The following GLIS3 variants were observed in gnomAD, a reference collection of about 807,000 sequenced individuals.
The protein encoded by GLIS3 is GLIS family zinc finger 3.
Under a neutral mutation model 78.6 loss-of-function variants are expected in GLIS3, and 53 were observed. The observed-to-expected ratio is 0.67, with a 90% CI of 0.54 to 0.85. The LOEUF (loss-of-function observed/expected upper bound fraction) is 0.85, where lower values mean the gene tolerates loss of function less well. Among genes scored for constraint, GLIS3 ranks in the 40% least tolerant of loss-of-function variants. The pLI, the probability that GLIS3 is intolerant of heterozygous loss-of-function variation, is 0.00. For synonymous variants in GLIS3, 684 were observed against 509.9 expected (o/e 1.34, Z -4.60); for missense variants, 1,703 against 1,231.1 (o/e 1.38, Z -5.74).
At chr9:3,960,578 A>G (rs562744935) in intron 4 of GLIS3, among the ~76,000 whole-genome samples, 1 of 152,330 alleles carries the variant, frequency 6.6e-6, no homozygotes, top group South Asian at 2.1e-4. Context: ...ATCCTGGCAC[A>G]TAGTGGGTCC....
intron 7 of GLIS3, among the ~76,000 whole-genome samples, chr9:3,892,293 C>T (rs1308177763): frequency 1.3e-5 from 2 of 152,062 alleles, no homozygotes; most frequent in African/African-American, 4.8e-5. Context: ...ACTAAGACTC[C>T]AATAAGACTC....
intron 4 of GLIS3, among the ~76,000 whole-genome samples, chr9:3,943,582 T>G (rs1048760364): frequency 2.0e-5 from 3 of 152,250 alleles, no homozygotes; most frequent in Non-Finnish European, 4.4e-5. Context: ...CTGGTTAATT[T>G]GAGAGTCCTC....
At chr9:4,391,586 G>A in the GLIS3 span, among the ~76,000 whole-genome samples, 5 of 149,184 alleles carry the variant, frequency 3.4e-5, no homozygotes, top group South Asian at 2.1e-4. Context: ...TGTTGGGCTC[G>A]GGTAGGTTGA....
At chr9:4,291,641 C>A (rs1356148360) in intron 1 of GLIS3, among the ~76,000 whole-genome samples, 2 of 151,936 alleles carry the variant, frequency 1.3e-5, no homozygotes, top group African/African-American at 4.8e-5. Flanking sequence ...AAAAGAATGA[C>A]CACATCCGAT....
chr9:4,259,473 A>G (rs936445398), intron 2 of GLIS3, among the ~76,000 whole-genome samples: 4 of 152,076 alleles, frequency 2.6e-5, no homozygotes, highest in Non-Finnish European at 5.9e-5. Flanking sequence ...GGGTGGGGGA[A>G]CTAAGATGGG....
intron 2 of GLIS3, among the ~76,000 whole-genome samples, chr9:4,259,341 C>T (rs1191777141): frequency 6.6e-6 from 1 of 151,878 alleles, no homozygotes; most frequent in Admixed American, 6.6e-5. Context: ...CAGTCAGATC[C>T]CTTCCACCTT....
At chr9:4,368,905 T>C in the GLIS3 span, among the ~76,000 whole-genome samples, 1 of 152,208 alleles carries the variant, frequency 6.6e-6, no homozygotes, top group Non-Finnish European at 1.5e-5. Context: ...AAAGACCTCT[T>C]CAAAGCTCTT....
intron 2 of GLIS3, among the ~76,000 whole-genome samples, chr9:4,311,534 C>T (rs564082056): frequency 2.1e-4 from 32 of 152,270 alleles, no homozygotes; most frequent in African/African-American, 6.0e-4. Flanking sequence ...AATAAGTTTC[C>T]GACCCCTGCA....
the GLIS3 span, among the ~76,000 whole-genome samples, chr9:4,440,587 G>GTA: frequency 1.3e-5 from 2 of 152,138 alleles, no homozygotes; most frequent in African/African-American, 4.8e-5. Flanking sequence ...TTTAAATCAG[G>GTA]TAGTGTTACA....
chr9:4,153,054 G>A (rs1045550398), intron 2 of GLIS3, among the ~76,000 whole-genome samples: 1 of 152,104 alleles, frequency 6.6e-6, no homozygotes, highest in African/African-American at 2.4e-5. Context: ...AGCATCTCTA[G>A]CCTCTTACCC....
chr9:3,895,661 A>AGAAGT (rs1822777397), intron 7 of GLIS3, among the ~76,000 whole-genome samples: 1 of 152,228 alleles, frequency 6.6e-6, no homozygotes, highest in Non-Finnish European at 1.5e-5. Flanking sequence ...ACACTTCAGG[A>AGAAGT]GAAGTGCAAG....
Position 4,286,074 on chromosome 9 carries a change from C to T in GLIS3, c.352G>A (p.Glu118Lys). The change falls in exon 2 of 11, where the codon GAG (glutamate) becomes AAG (lysine). Residue 118 changes from glutamate (E) to lysine (K), a missense_variant. Glu to Lys is a moderately conservative substitution (Grantham distance 56, BLOSUM62 1). Transcript: ENST00000381971. ...TTTGGAGGAAAAGGGCTTCCAAACT[C>T]CTGCTGCTTTGGCTTTAAAGTATGT... is the stretch of plus-strand genomic sequence containing the variant. ...GSHTLKPKQQ[E>K]FGSPFPPNPG... is the part of the protein sequence containing the mutation. 1 of 1,613,760 alleles carries T rather than the reference C, an allele frequency of 6.2e-7. No individual in the cohort carries two copies. The highest frequency in any genetic ancestry group is 8.5e-7 in the Non-Finnish European group (1 of 1,179,814).
intron 4 of GLIS3, among the ~76,000 whole-genome samples, chr9:4,066,404 C>T (rs1827100437): frequency 6.6e-6 from 1 of 152,128 alleles, no homozygotes; most frequent in South Asian, 2.1e-4. Flanking sequence ...CTGCAGAACA[C>T]ATGCATTTTT....
intron 3 of GLIS3, among the ~76,000 whole-genome samples, chr9:4,119,541 G>A (rs1832024684): frequency 6.6e-6 from 1 of 152,126 alleles, no homozygotes; most frequent in African/African-American, 2.4e-5. Flanking sequence ...ATAAAAAGCA[G>A]CTATAATATA....
chr9:4,134,881 C>G (rs1042807398), intron 2 of GLIS3, among the ~76,000 whole-genome samples: 2 of 152,160 alleles, frequency 1.3e-5, no homozygotes, highest in African/African-American at 4.8e-5. Context: ...TTCTTTGCCA[C>G]ACGGTATACA....
rs928049978 is a variant in GLIS3 at position 4,218,361 on chromosome 9, C to G, written c.388+67677G>C. On this transcript the variant is annotated intron_variant, in intron 2 of 10. Coordinates refer to ENST00000381971, the MANE Select transcript of GLIS3 (RefSeq NM_001042413.2). ...TGGTGCGATCTCGGCTCACTGCAAGCTCTGCCTCCCGGGTTCACGCCATTC... is the reference window on the plus strand; with the variant it reads ...TGGTGCGATCTCGGCTCACTGCAAGGTCTGCCTCCCGGGTTCACGCCATTC... Among the ~76,000 whole-genome samples, 2 of 152,130 alleles carry G rather than the reference C, an allele frequency of 1.3e-5. 1 individual carries two copies. The highest frequency in any genetic ancestry group is 1.3e-4 in the Admixed American group (2 of 15,276).
chr9:4,253,715 G>C (rs570027959), intron 2 of GLIS3, among the ~76,000 whole-genome samples: 128 of 152,320 alleles, frequency 8.4e-4, no homozygotes, highest in African/African-American at 2.9e-3. Context: ...TTTTGTGCTT[G>C]AAACCCACGG....
chr9:4,042,302 G>T (rs1487169523), intron 4 of GLIS3, among the ~76,000 whole-genome samples: 1 of 152,146 alleles, frequency 6.6e-6, no homozygotes, highest in Admixed American at 6.5e-5. Context: ...AAGCCCAAGG[G>T]TCAGCAGAAT....
chr9:3,928,108 T>C (rs1825373615), intron 6 of GLIS3, among the ~76,000 whole-genome samples: 1 of 152,206 alleles, frequency 6.6e-6, no homozygotes, highest in South Asian at 2.1e-4. Context: ...TTTTAAAAAA[T>C]CAGTGCCGTT....
Sources: gnomAD v4.1 joint callset for allele counts (sites outside exome capture counted in the v4.1 genomes callset) on GRCh38, gnomAD v4.1.1 for gene constraint, MANE v1.5 for transcripts, NCBI Gene and HGNC (gene_info 2026-07-23, HGNC 2026-07-21) for gene names.